SCYL1: variants seen among roughly 807,000 people sequenced by gnomAD.
The protein encoded by SCYL1 is SCY1 like pseudokinase 1.
SCYL1 carries 85 observed loss-of-function variants against 94.8 expected under a neutral mutation model. That is an observed-to-expected ratio of 0.90 (90% CI 0.75 to 1.07). The LOEUF is 1.07. Among genes scored for constraint, SCYL1 ranks in the 50% least tolerant of loss-of-function variants. SCYL1 has a pLI of 0.00. For missense variants in SCYL1, 968 were observed against 1,083.3 expected (o/e 0.89, Z 1.49); for synonymous variants, 459 against 435.5 (o/e 1.05, Z -0.67).
intron 13 of SCYL1, 89 bp from the exon 14 acceptor site, chr11:65,536,897 G>GC: frequency 7.9e-7 from 1 of 1,265,770 alleles, no homozygotes; most frequent in South Asian, 1.3e-5. Context: ...CTTCCTTGGT[G>GC]CCCCTTCCCC....
chr11:65,526,755 C>A lies in SCYL1; in HGVS notation c.603-28C>A, dbSNP rs567487791. 14 of 1,600,438 alleles carry A rather than the reference C, an allele frequency of 8.7e-6. No homozygotes were observed. The African/African-American group carries it at 9.4e-5, about 11-fold the overall frequency. On this transcript the variant is annotated intron_variant, in intron 4 of 17. Coordinates refer to ENST00000270176, the MANE Select transcript of SCYL1 (RefSeq NM_020680.4). This position sits in a 1 kb window ranked among gnomAD's most constrained non-coding sequence, Gnocchi z 4.1. Reference sequence around the variant, plus strand: ...AGGCCTGTGCAGGTGGTTGGTGGGGCCCTAAGAGCTCTGGGTCACTGCCAC... The same window carrying A: ...AGGCCTGTGCAGGTGGTTGGTGGGGACCTAAGAGCTCTGGGTCACTGCCAC...
chr11:65,538,020 C>G lies in SCYL1; in HGVS notation c.2085C>G (p.Ser695Arg), dbSNP rs2135103252. ...SSKSPESDWS[S>R]WEAEGSWEQG... ...AATCCCCAGAGTCCGACTGGAGCAG[C>G]TGGGAAGCTGAGGGCTCCTGGGAAC... The change falls in exon 16 of 18, where the codon AGC becomes AGG. Residue 695 changes from serine to arginine, a missense_variant. By Grantham distance (110) the Ser-to-Arg change is moderately radical. This residue lies in a region of SCYL1 where 474 missense variants were observed against 463.6 expected (regional missense o/e 1.02). Transcript: ENST00000270176. 1 of 1,612,962 alleles carries G rather than the reference C, an allele frequency of 6.2e-7. No homozygotes were observed. Among genetic ancestry groups the G allele is most frequent in the Non-Finnish European group, 8.5e-7 (1 of 1,179,528 alleles).
At chr11:65,527,999 C>T (rs1300627842) in intron 6 of SCYL1, among the ~76,000 whole-genome samples, 1 of 152,112 alleles carries the variant, frequency 6.6e-6, no homozygotes, top group African/African-American at 2.4e-5. Context: ...GGGTGTAACA[C>T]CCTGTACTGG....
At chr11:65,533,688 G>A (rs1204543729) in intron 9 of SCYL1, among the ~76,000 whole-genome samples, 1 of 152,214 alleles carries the variant, frequency 6.6e-6, no homozygotes, top group African/African-American at 2.4e-5. Flanking sequence ...GCTGAGGCAG[G>A]TAGGTAGCTT....
Position 65,538,507 on chromosome 11 carries a change from C to T in SCYL1, c.2368C>T (p.Arg790Cys), listed in dbSNP as rs1209439165. ...EERRREMEAKRAERKVAKGPM... is the reference protein window; with the variant it reads ...EERRREMEAKCAERKVAKGPM... ...GCGGCGGCGGGAGATGGAGGCCAAA[C>T]GCGCCGAGAGGAAGGTGGCCAAGGG... Residue 790 changes from arginine to cysteine, a missense_variant, in exon 18 of 18, where the codon CGC becomes TGC. Coordinates refer to ENST00000270176, the MANE Select transcript of SCYL1 (RefSeq NM_020680.4). The T allele has an allele frequency of 3.7e-6, 6 of 1,606,670 alleles. No homozygotes were observed. The highest frequency in any genetic ancestry group is 1.6e-4 in the Middle Eastern group (1 of 6,070).
At chr11:65,529,319 C>T (rs187113020) in intron 6 of SCYL1, among the ~76,000 whole-genome samples, 10 of 152,288 alleles carry the variant, frequency 6.6e-5, no homozygotes, top group Non-Finnish European at 1.5e-4. Flanking sequence ...GAGTTCTCCT[C>T]GTACGGCTGG....
intron 6 of SCYL1, among the ~76,000 whole-genome samples, chr11:65,529,221 G>A (rs1855247975): frequency 6.6e-6 from 1 of 152,196 alleles, no homozygotes; most frequent in South Asian, 2.1e-4. Context: ...CCTTTGGAGG[G>A]TGGAAACCTG....
chr11:65,534,794 T>A (rs1345805483), intron 9 of SCYL1, among the ~76,000 whole-genome samples: 1 of 151,990 alleles, frequency 6.6e-6, no homozygotes, highest in African/African-American at 2.4e-5. Flanking sequence ...GGGGGTGGTG[T>A]CCTGGAAGAC....
At chr11:65,529,297 C>A (rs1032538312) in intron 6 of SCYL1, among the ~76,000 whole-genome samples, 4 of 152,200 alleles carry the variant, frequency 2.6e-5, no homozygotes, top group Admixed American at 2.6e-4. Context: ...GCAGCAGGAA[C>A]TTTGTTACGT....
At chr11:65,530,909 C>CT in intron 7 of SCYL1, 122 bp downstream of exon 7, 4 of 1,094,550 alleles carry the variant, frequency 3.7e-6, no homozygotes, top group Non-Finnish European at 5.1e-6. Context: ...GAGCTTCCTG[C>CT]CAGTGTCTAT....
At position 65,530,986 on chromosome 11, in the gene SCYL1, A is replaced by G. The variant is rs1855334659; in HGVS notation, c.1008+199A>G. ...CTGCCGCTAAAATCCTTTTTTCCAC[A>G]AACCTCTGGCTTCACAACCCTCAGC... On this transcript the variant is annotated intron_variant, in intron 7 of 17. Coordinates refer to ENST00000270176, the MANE Select transcript of SCYL1 (RefSeq NM_020680.4). 2.0e-5 allele frequency among the ~76,000 whole-genome samples: 3 copies of G among 151,946 alleles called. No individual in the cohort carries two copies. In the South Asian group the frequency reaches 6.2e-4, roughly 31 times the overall value.
rs1225680268 is a variant in SCYL1, at chr11:65,526,523, G to A, written c.602+173G>A. Among the ~76,000 whole-genome samples the A allele has an allele frequency of 6.6e-6, 1 of 152,192 alleles. No individual in the cohort carries two copies. Among genetic ancestry groups the A allele is most frequent in the African/African-American group, 2.4e-5 (1 of 41,440 alleles). ...GCCCCCAGGGTCCTCAGGGCGGTAGGGCGGGATGGACACAGCATTCGGGGT... is the reference window on the plus strand; with the variant it reads ...GCCCCCAGGGTCCTCAGGGCGGTAGAGCGGGATGGACACAGCATTCGGGGT... On this transcript the variant is annotated intron_variant, in intron 4 of 17. Transcript: ENST00000270176. The surrounding 1 kb of genome is among the most constrained non-coding windows in gnomAD (Gnocchi z 4.1).
chr11:65,530,923 C>A, intron 7 of SCYL1, 136 bp downstream of exon 7: 1 of 937,418 alleles, frequency 1.1e-6, no homozygotes, highest in Non-Finnish European at 1.6e-6. Flanking sequence ...TGTCTATAAA[C>A]AGGTACCTGA....
At chr11:65,528,858 T>C (rs1316880690) in intron 6 of SCYL1, among the ~76,000 whole-genome samples, 2 of 152,180 alleles carry the variant, frequency 1.3e-5, no homozygotes, top group African/African-American at 4.8e-5. Flanking sequence ...AGCTGGGGCC[T>C]GAAGGACATG....
chr11:65,536,311 AC>A lies in SCYL1; in HGVS notation c.1631del (p.Pro544ArgfsTer31). 6.2e-7 allele frequency: 1 copy of A among 1,613,948 alleles called. No individual in the cohort carries two copies. Among genetic ancestry groups the A allele is most frequent in the Non-Finnish European group, 8.5e-7 (1 of 1,179,948 alleles). ...TCCAAATTGGAGTCTGTGTCGGAGG[AC>A]CCGACCCAGCTGGAGGAAGTGGGTG... ...FLSKLESVSE[D>X]PTQLEEVEKD... On this transcript the variant is annotated frameshift_variant, in exon 12 of 18. Coordinates refer to ENST00000270176, the MANE Select transcript of SCYL1 (RefSeq NM_020680.4). LOFTEE classifies it high-confidence loss of function.
chr11:65,536,036 C>T lies in SCYL1; in HGVS notation c.1470C>T (p.Gly490=). The change falls in exon 11 of 18, where the codon GGC becomes GGT. Residue 490 remains glycine (G), a synonymous_variant. Coordinates refer to ENST00000270176, the MANE Select transcript of SCYL1 (RefSeq NM_020680.4). Reference sequence around the variant, plus strand: ...CGTCCCGGGTTGCGGGTGTCCTGGGCTTTGCTGCCACCCACAACCTCTACT... The same window carrying T: ...CGTCCCGGGTTGCGGGTGTCCTGGGTTTTGCTGCCACCCACAACCTCTACT... The part of the protein sequence containing the change: ...FAPSRVAGVL[G]FAATHNLYSM... The T allele has an allele frequency of 2.5e-6, 4 of 1,614,192 alleles. No homozygotes were observed. In the South Asian group the frequency reaches 3.3e-5, roughly 13 times the overall value.
At chr11:65,530,060 C>T (rs1327328144) in intron 6 of SCYL1, among the ~76,000 whole-genome samples, 1 of 152,170 alleles carries the variant, frequency 6.6e-6, no homozygotes, top group Non-Finnish European at 1.5e-5. Flanking sequence ...GACCGTTGAG[C>T]TTACAGGCTG....
At chr11:65,531,042 G>T (rs1367023671) in intron 7 of SCYL1, among the ~76,000 whole-genome samples, 2 of 152,214 alleles carry the variant, frequency 1.3e-5, no homozygotes, top group Middle Eastern at 6.8e-3. Flanking sequence ...TCTGACCTGT[G>T]CACCTTGGTT....
chr11:65,531,743 G>A (rs1376792367), intron 8 of SCYL1, 60 bp downstream of exon 8: 2 of 1,284,098 alleles, frequency 1.6e-6, no homozygotes, highest in Non-Finnish European at 2.3e-6. Context: ...GGTGGCTGGG[G>A]AGGCACCTGC....
Sources: allele counts gnomAD v4.1 joint callset (sites outside exome capture counted in the v4.1 genomes callset), GRCh38; gene constraint gnomAD v4.1.1; regional missense constraint gnomAD v4.1.1; non-coding constraint Gnocchi (gnomAD v3.1); transcripts MANE v1.5; gene names NCBI Gene and HGNC (gene_info 2026-07-23, HGNC 2026-07-21).